ACBD6: variants seen among roughly 807,000 people sequenced by gnomAD.
ACBD6 encodes the protein acyl-CoA binding domain containing 6.
Under a neutral mutation model 37.2 loss-of-function variants are expected in ACBD6, and 28 were observed. The observed-to-expected ratio is 0.75, with a 90% CI of 0.56 to 1.03. The LOEUF (loss-of-function observed/expected upper bound fraction) is 1.03. ACBD6 is among the 50% of genes least tolerant of loss of function. The pLI is 0.00. For synonymous variants in ACBD6, 113 were observed against 126.8 expected (o/e 0.89, Z 0.73); for missense variants, 340 against 337.4 (o/e 1.01, Z -0.06).
chr1:180,483,017 A>C (rs1366746912), intron 3 of ACBD6, among the ~76,000 whole-genome samples: 1 of 152,202 alleles, frequency 6.6e-6, no homozygotes, highest in Non-Finnish European at 1.5e-5. Flanking sequence ...CAAGTTTACA[A>C]TCAGTATATT....
In ACBD6 at chr1:180,474,268, A is replaced by G. The variant is rs1227246993; in HGVS notation, c.384+18001T>C. 2.0e-5 allele frequency among the ~76,000 whole-genome samples: 3 copies of G among 152,188 alleles called. No homozygotes were observed. In the South Asian group the frequency reaches 6.2e-4, roughly 32 times the overall value. On this transcript the variant is annotated intron_variant, in intron 3 of 7. Coordinates refer to ENST00000367595, the MANE Select transcript of ACBD6 (RefSeq NM_032360.4). ...AGCCATCCTGAAACACATCTGGAGTATATTGCTCTTTAAAAAGTTATAAAA... is the reference window on the plus strand; with the variant it reads ...AGCCATCCTGAAACACATCTGGAGTGTATTGCTCTTTAAAAAGTTATAAAA...
In ACBD6 at chr1:180,493,605, C is replaced by T. The variant is rs144278740; in HGVS notation, c.288-1240G>A. On this transcript the variant is annotated intron_variant, in intron 2 of 7. Transcript: ENST00000367595. ...CTGAATTCCTTAAGAATTACTTATACGCATCATAACACTTCATCCCTAAAT... is the reference window on the plus strand; with the variant it reads ...CTGAATTCCTTAAGAATTACTTATATGCATCATAACACTTCATCCCTAAAT... 3.2e-4 allele frequency among the ~76,000 whole-genome samples: 48 copies of T among 152,244 alleles called. 1 individual carries two copies. The East Asian group carries it at 7.7e-3, about 24-fold the overall frequency.
intron 6 of ACBD6, among the ~76,000 whole-genome samples, chr1:180,390,790 C>G (rs1162618032): frequency 6.6e-6 from 1 of 151,862 alleles, no homozygotes; most frequent in Non-Finnish European, 1.5e-5. Flanking sequence ...TCACACAATT[C>G]TTATTAAAAT....
intron 3 of ACBD6, among the ~76,000 whole-genome samples, chr1:180,446,627 A>T (rs1199482608): frequency 6.6e-6 from 1 of 152,228 alleles, no homozygotes; most frequent in East Asian, 1.9e-4. Context: ...TACTTATAAC[A>T]GTAATATTTA....
chr1:180,349,017 T>C lies in ACBD6; in HGVS notation c.664-34295A>G, dbSNP rs1039853544. On this transcript the variant is annotated intron_variant, in intron 6 of 7. Coordinates refer to ENST00000367595, the MANE Select transcript of ACBD6 (RefSeq NM_032360.4). ...CACTAAAAATGTTATTCACAGCATT[T>C]ATAGGCGAAGGGGCAATTTTTTCCT... Among the ~76,000 whole-genome samples, 15 of 151,910 alleles carry C rather than the reference T, an allele frequency of 9.9e-5. No homozygotes were observed. The South Asian group carries it at 2.9e-3, about 29-fold the overall frequency.
At chr1:180,498,200 G>A (rs1651808739) in intron 1 of ACBD6, among the ~76,000 whole-genome samples, 1 of 152,118 alleles carries the variant, frequency 6.6e-6, no homozygotes, top group Non-Finnish European at 1.5e-5. Flanking sequence ...TTAAGTACTG[G>A]GAAGCTGTCA....
chr1:180,418,694 T>C (rs1474193803), intron 4 of ACBD6, among the ~76,000 whole-genome samples: 1 of 152,234 alleles, frequency 6.6e-6, no homozygotes, highest in African/African-American at 2.4e-5. Context: ...CCACTTCTAA[T>C]TAATATCTAA....
rs573621154 is a variant in ACBD6, at chr1:180,313,459, A to G, written c.694+1233T>C. Among the ~76,000 whole-genome samples the G allele has an allele frequency of 7.2e-4, 109 of 152,366 alleles. 3 individuals are homozygous for G. Among genetic ancestry groups the G allele is most frequent in the Admixed American group, 4.6e-4 (7 of 15,304 alleles). On this transcript the variant is annotated intron_variant, in intron 7 of 7. Coordinates refer to ENST00000367595, the MANE Select transcript of ACBD6 (RefSeq NM_032360.4). Reference sequence around the variant, plus strand: ...GGCTTTTGTTTCCGCCAAGCATCCCAGAAACACTATCAGCTTGAAATACCT... The same window carrying G: ...GGCTTTTGTTTCCGCCAAGCATCCCGGAAACACTATCAGCTTGAAATACCT...
chr1:180,450,176 T>C (rs1649648240), intron 3 of ACBD6, among the ~76,000 whole-genome samples: 1 of 152,144 alleles, frequency 6.6e-6, no homozygotes, highest in Admixed American at 6.5e-5. Flanking sequence ...ATAATTAACA[T>C]TGTAATGTGG....
intron 7 of ACBD6, among the ~76,000 whole-genome samples, chr1:180,309,727 A>G (rs1388515406): frequency 6.6e-6 from 1 of 152,142 alleles, no homozygotes; most frequent in Admixed American, 6.6e-5. Flanking sequence ...GTAGCCTTGA[A>G]TTTTGTGCTG....
chr1:180,426,314 T>C (rs572447844), intron 4 of ACBD6, among the ~76,000 whole-genome samples: 3 of 152,348 alleles, frequency 2.0e-5, no homozygotes, highest in South Asian at 4.1e-4. Context: ...CTTCATTTAC[T>C]ACATTTTTAA....
At chr1:180,387,611 C>A (rs775460962) in intron 6 of ACBD6, among the ~76,000 whole-genome samples, 30 of 152,320 alleles carry the variant, frequency 2.0e-4, no homozygotes, top group Non-Finnish European at 3.2e-4. Flanking sequence ...GTTGATAACA[C>A]CTTGATGGGG....
chr1:180,340,796 C>T (rs1213648778), intron 6 of ACBD6, among the ~76,000 whole-genome samples: 2 of 151,956 alleles, frequency 1.3e-5, no homozygotes, highest in Admixed American at 6.6e-5. Flanking sequence ...AGCACAGATG[C>T]AGGTAAGTCA....
intron 4 of ACBD6, 32 bp from the exon 5 acceptor site, chr1:180,413,503 C>T (rs566298601): frequency 7.0e-7 from 1 of 1,423,852 alleles, no homozygotes; most frequent in Middle Eastern, 1.8e-4. Flanking sequence ...TCTTTTTTTA[C>T]TGGGTAATAC....
At chr1:180,368,077 A>G (rs1653117654) in intron 6 of ACBD6, among the ~76,000 whole-genome samples, 1 of 152,106 alleles carries the variant, frequency 6.6e-6, no homozygotes, top group African/African-American at 2.4e-5. Context: ...TTTTAATAAT[A>G]GCTATTCTGA....
downstream of ACBD6, among the ~76,000 whole-genome samples, chr1:180,287,554 G>T (rs2764461): frequency 0.12 from 17,122 of 138,576 alleles, 1,579 homozygotes; most frequent in African/African-American, 0.26. Context: ...TAGACCCAAA[G>T]AGACCTAACA....
intron 4 of ACBD6, among the ~76,000 whole-genome samples, chr1:180,423,804 T>C (rs1023495983): frequency 1.4e-4 from 22 of 152,188 alleles, no homozygotes; most frequent in African/African-American, 5.3e-4. Flanking sequence ...TAAGTTCTAA[T>C]AAATCTCTGG....
chr1:180,474,749 A>C (rs371535969), intron 3 of ACBD6, among the ~76,000 whole-genome samples: 10 of 152,378 alleles, frequency 6.6e-5, no homozygotes, highest in African/African-American at 2.4e-4. Context: ...TGTGTTATAT[A>C]ATTTCACCTA....
intron 6 of ACBD6, among the ~76,000 whole-genome samples, chr1:180,335,189 A>G (rs1287981042): frequency 1.3e-5 from 2 of 151,914 alleles, no homozygotes; most frequent in Non-Finnish European, 2.9e-5. Flanking sequence ...CGAGAAGAAC[A>G]ACCCCAAGAC....
Sources: gnomAD v4.1 joint callset for allele counts (sites outside exome capture counted in the v4.1 genomes callset) on GRCh38, gnomAD v4.1.1 for gene constraint, MANE v1.5 for transcripts, NCBI Gene and HGNC (gene_info 2026-07-23, HGNC 2026-07-21) for gene names.